The following PTPRD variants were observed in gnomAD, a reference collection of about 807,000 sequenced individuals.
PTPRD encodes receptor-type tyrosine-protein phosphatase delta.
PTPRD carries 34 observed loss-of-function variants against 214.5 expected under a neutral mutation model. The ratio of observed to expected loss-of-function variants is 0.16; its 90% CI spans 0.12 to 0.21. The LOEUF (loss-of-function observed/expected upper bound fraction) is 0.21, where lower values mean the gene tolerates loss of function less well. Ranked by LOEUF, PTPRD falls within the 10% of genes least tolerant of loss-of-function variation. PTPRD has a pLI of 1.00. For synonymous variants in PTPRD, 1,128 were observed against 845.7 expected, an observed-to-expected ratio of 1.33 and a Z score of -5.79; for missense variants, 2,545 against 2,398.7, an observed-to-expected ratio of 1.06 and a Z score of -1.27.
chr9:8,544,455 T>TA lies in PTPRD; in HGVS notation c.353-15677dup, dbSNP rs576494694. 8.0e-3 allele frequency among the ~76,000 whole-genome samples: 1,119 copies of TA among 139,892 alleles called. 16 individuals carry two copies. Among genetic ancestry groups the TA allele is most frequent in the African/African-American group, 0.028 (1,053 of 37,866 alleles). 91.8% of individuals were successfully genotyped at this position (139,892 alleles called of 152,430 possible). On this transcript the variant is annotated intron_variant, in intron 14 of 45. Transcript: ENST00000381196. ...GAGCAGGAATTACCTTGCAGGAAAA[T>TA]AAAAAAAATAACTTTTTTTTTTTTT... is the stretch of plus-strand genomic sequence containing the variant.
chr9:9,003,421 G>C (rs1736636351), intron 11 of PTPRD, among the ~76,000 whole-genome samples: 1 of 151,992 alleles, frequency 6.6e-6, no homozygotes, highest in Non-Finnish European at 1.5e-5. Flanking sequence ...ATGCCTACTT[G>C]TGTTCTACCC....
chr9:9,492,969 T>C (rs1289768547), intron 8 of PTPRD, among the ~76,000 whole-genome samples: 2 of 146,470 alleles, frequency 1.4e-5, no homozygotes, highest in African/African-American at 5.1e-5. Context: ...ACATACTAGA[T>C]AAATGTATGT....
At chr9:10,204,654 G>T (rs2099457990) in intron 3 of PTPRD, among the ~76,000 whole-genome samples, 1 of 152,016 alleles carries the variant, frequency 6.6e-6, no homozygotes, top group Admixed American at 6.6e-5. Flanking sequence ...TATTGATGTT[G>T]ATATAAAAAA....
rs1220641364 is a variant in PTPRD at position 10,180,352 on chromosome 9, A to G, written c.-544-146562T>C. On this transcript the variant is annotated intron_variant, in intron 3 of 45. Transcript: ENST00000381196. ...GTAAAAACAGCCCACATGATCTGCA[A>G]CTTCCTCCCTTTCATCACTGACCTC... 2.6e-5 allele frequency among the ~76,000 whole-genome samples: 4 copies of G among 152,090 alleles called. 1 individual carries two copies. In the South Asian group the frequency reaches 8.3e-4, roughly 32 times the overall value.
At chr9:9,869,205 C>A (rs1190200409) in intron 5 of PTPRD, among the ~76,000 whole-genome samples, 2 of 152,058 alleles carry the variant, frequency 1.3e-5, no homozygotes, top group Admixed American at 6.6e-5. Flanking sequence ...CTGAACAAAC[C>A]AAATAGGCTG....
intron 11 of PTPRD, among the ~76,000 whole-genome samples, chr9:8,840,045 A>G (rs2097528532): frequency 2.0e-5 from 3 of 152,214 alleles, no homozygotes; most frequent in Admixed American, 1.3e-4. Flanking sequence ...CTGTTTCTAA[A>G]TATTCTATAA....
intron 4 of PTPRD, among the ~76,000 whole-genome samples, chr9:9,989,407 G>C (rs1199806260): frequency 6.6e-6 from 1 of 152,140 alleles, no homozygotes; most frequent in Admixed American, 6.5e-5. Flanking sequence ...GAGAAGAAAA[G>C]AAGAGAAGAG....
chr9:9,946,102 A>G (rs1490111145), intron 4 of PTPRD, among the ~76,000 whole-genome samples: 1 of 61,372 alleles, frequency 1.6e-5, no homozygotes, highest in Non-Finnish European at 2.6e-5. Context: ...CACTGTTTAC[A>G]GAGGAGTACT....
chr9:8,680,885 C>T (rs375124596), intron 12 of PTPRD, among the ~76,000 whole-genome samples: 14 of 152,228 alleles, frequency 9.2e-5, no homozygotes, highest in Admixed American at 4.6e-4. Flanking sequence ...ATTGGCCTCA[C>T]GGGACTGATT....
chr9:9,712,499 C>T (rs939846327), intron 7 of PTPRD, among the ~76,000 whole-genome samples: 4 of 152,248 alleles, frequency 2.6e-5, no homozygotes, highest in Admixed American at 6.5e-5. Flanking sequence ...ACATTGAACC[C>T]GCAGGGAAGA....
chr9:10,054,775 T>A (rs1035473970), intron 3 of PTPRD, among the ~76,000 whole-genome samples: 3 of 152,100 alleles, frequency 2.0e-5, no homozygotes, highest in Admixed American at 2.0e-4. Flanking sequence ...TTTAGTAAAG[T>A]TGAATACAGT....
chr9:10,369,632 A>G (rs1024915017), intron 2 of PTPRD, among the ~76,000 whole-genome samples: 16 of 152,248 alleles, frequency 1.1e-4, no homozygotes, highest in East Asian at 3.9e-4. Context: ...AGCCCATTTA[A>G]TTTGGTTCTT....
chr9:9,935,312 A>G (rs188787613), intron 5 of PTPRD, among the ~76,000 whole-genome samples: 4 of 152,296 alleles, frequency 2.6e-5, no homozygotes, highest in African/African-American at 7.2e-5. Flanking sequence ...ACATGATTGT[A>G]TATCTAGAAA....
intron 11 of PTPRD, among the ~76,000 whole-genome samples, chr9:8,791,562 C>G (rs1204276520): frequency 1.5e-5 from 2 of 132,780 alleles, no homozygotes; most frequent in Non-Finnish European, 3.1e-5. Context: ...GAGTCCTGCT[C>G]TGTCTTCCAG....
At chr9:10,361,008 A>C (rs992860928) in intron 2 of PTPRD, among the ~76,000 whole-genome samples, 1 of 152,106 alleles carries the variant, frequency 6.6e-6, no homozygotes, top group African/African-American at 2.4e-5. Flanking sequence ...AGGCTGAGGC[A>C]GGAGAATGGC....
chr9:9,572,557 A>ATATG (rs1399228224), intron 8 of PTPRD, among the ~76,000 whole-genome samples: 7 of 112,032 alleles, frequency 6.2e-5, no homozygotes, highest in African/African-American at 2.5e-4. Context: ...TGGCATATAT[A>ATATG]TATGTATATA....
In PTPRD at chr9:8,706,149, G is replaced by A. The variant is rs370659824; in HGVS notation, c.64+27631C>T. Among the ~76,000 whole-genome samples the A allele has an allele frequency of 1.9e-4, 29 of 152,090 alleles. No homozygotes were observed. The South Asian group carries it at 5.2e-3, about 27-fold the overall frequency. On this transcript the variant is annotated intron_variant, in intron 12 of 45. Coordinates refer to ENST00000381196, the MANE Select transcript of PTPRD (RefSeq NM_002839.4). ...ATTACTTCCACAATTCTCCTCAAGA[G>A]AAACATTATAAGAAAGAACACTGAA... is the stretch of plus-strand genomic sequence containing the variant.
At chr9:10,548,553 T>C (rs2060636646) in intron 2 of PTPRD, among the ~76,000 whole-genome samples, 2 of 152,124 alleles carry the variant, frequency 1.3e-5, no homozygotes, top group African/African-American at 2.4e-5. Flanking sequence ...GACCTAAAAA[T>C]ACAGCTTAGA....
At chr9:8,929,892 T>TAC (rs1205537787) in intron 11 of PTPRD, among the ~76,000 whole-genome samples, 3 of 82,462 alleles carry the variant, frequency 3.6e-5, no homozygotes, top group African/African-American at 4.6e-5. Context: ...TGTGTGTGTA[T>TAC]ATATATGTGT....
Sources: gnomAD v4.1 joint callset for allele counts (sites outside exome capture counted in the v4.1 genomes callset) on GRCh38, gnomAD v4.1.1 for gene constraint, MANE v1.5 for transcripts, NCBI Gene and HGNC (gene_info 2026-07-23, HGNC 2026-07-21) for gene names.